The following JAKMIP3 variants were observed in gnomAD, a reference collection of about 807,000 sequenced individuals.
JAKMIP3 encodes janus kinase and microtubule-interacting protein 3.
In JAKMIP3, 58 loss-of-function variants were observed where a neutral mutation model predicts 118.5. That is an observed-to-expected ratio of 0.49 (90% CI 0.40 to 0.61). The LOEUF is 0.61. Ranked by LOEUF, JAKMIP3 falls within the 20% of genes least tolerant of loss-of-function variation. The probability of loss-of-function intolerance (pLI) is 0.00; values close to 1 mark genes in which losing one functional copy is unlikely to be tolerated. For missense variants in JAKMIP3, 950 were observed against 1,109.0 expected (o/e 0.86, Z 2.04); for synonymous variants, 486 against 451.2 (o/e 1.08, Z -0.98).
chr10:132,057,861 G>C (rs1335840135), intron 1 of JAKMIP3, among the ~76,000 whole-genome samples: 1 of 152,202 alleles, frequency 6.6e-6, no homozygotes, highest in Admixed American at 6.5e-5. Flanking sequence ...CAGTGGTTTT[G>C]GATCAGATAC....
chr10:132,135,306 C>T (rs1210834422), intron 5 of JAKMIP3, 146 bp downstream of exon 5: 6 of 830,448 alleles, frequency 7.2e-6, no homozygotes, highest in African/African-American at 1.7e-5. Context: ...GACTGTGTTC[C>T]AGTTGAACTT....
At chr10:132,180,642 T>TGTGC (rs1554963041) in intron 23 of JAKMIP3, among the ~76,000 whole-genome samples, 1 of 31,804 alleles carries the variant, frequency 3.1e-5, no homozygotes, top group South Asian at 1.1e-3. Context: ...TGCGTGCGTG[T>TGTGC]GTGCGTGTGC....
intron 1 of JAKMIP3, among the ~76,000 whole-genome samples, chr10:132,090,062 C>G (rs1333246178): frequency 6.6e-6 from 1 of 152,196 alleles, no homozygotes; most frequent in East Asian, 1.9e-4. Context: ...ATGAAGCCCA[C>G]TTGATCATGG....
Position 132,153,991 on chromosome 10 carries a change from G to C in JAKMIP3, c.2220+1G>C, listed in dbSNP as rs777730379. ...ACAGGCCTTGGACCAGGCCAACAAG[G>C]TGAGAGGCACGAGACTGCTGGAACC... On this transcript the variant is annotated splice_donor_variant, in intron 19 of 23. Transcript: ENST00000684848. LOFTEE classifies it high-confidence loss of function. 6.2e-7 allele frequency: 1 copy of C among 1,612,834 alleles called. No individual in the cohort carries two copies. Among genetic ancestry groups the C allele is most frequent in the Admixed American group, 1.7e-5 (1 of 60,024 alleles).
chr10:132,135,861 C>T (rs1273936323), intron 5 of JAKMIP3, 69 bp from the exon 6 acceptor site: 9 of 1,515,022 alleles, frequency 5.9e-6, no homozygotes, highest in African/African-American at 1.4e-5. Flanking sequence ...GTCAGTCAGC[C>T]GACTCTGCGT....
At chr10:132,181,437 T>G (rs1453008494) in intron 23 of JAKMIP3, 1 of 152,126 alleles carries the variant, frequency 6.6e-6, no homozygotes, top group East Asian at 1.9e-4. Flanking sequence ...CCGAGGGAAA[T>G]CCCTGTTTTA....
chr10:132,167,807 ACCCC>A, intron 22 of JAKMIP3, 142 bp from the exon 23 acceptor site: 1 of 404,462 alleles, frequency 2.5e-6, no homozygotes, highest in African/African-American at 2.7e-5. Context: ...TTCGGTCCTC[ACCCC>A]TCACCCCTCG....
intron 1 of JAKMIP3, among the ~76,000 whole-genome samples, chr10:132,042,487 C>T (rs920643795): frequency 2.0e-5 from 3 of 152,148 alleles, no homozygotes; most frequent in East Asian, 3.9e-4. Context: ...GGATTCCAGG[C>T]GTGAGCCACG....
intron 1 of JAKMIP3, among the ~76,000 whole-genome samples, chr10:132,078,872 C>T (rs2041299700): frequency 1.3e-5 from 2 of 152,374 alleles, no homozygotes; most frequent in South Asian, 2.1e-4. Context: ...GCTGCCAGGC[C>T]TAGGGGGCCG....
intron 23 of JAKMIP3, among the ~76,000 whole-genome samples, chr10:132,174,768 A>G (rs2059998093): frequency 6.6e-6 from 1 of 152,156 alleles, no homozygotes; most frequent in African/African-American, 2.4e-5. Context: ...ACGTCTTCAC[A>G]GGTTAGGCTG....
intron 8 of JAKMIP3, among the ~76,000 whole-genome samples, 194 bp from the exon 9 acceptor site, chr10:132,137,925 C>T (rs996348054): frequency 6.6e-6 from 1 of 152,204 alleles, no homozygotes; most frequent in Non-Finnish European, 1.5e-5. Flanking sequence ...GGGAGCCGTC[C>T]GTGTCACCCT....
At chr10:132,178,343 T>C (rs1378139992) in intron 23 of JAKMIP3, among the ~76,000 whole-genome samples, 2 of 152,104 alleles carry the variant, frequency 1.3e-5, no homozygotes, top group East Asian at 3.9e-4. Context: ...AGAGACCCCA[T>C]GAAGGGGGTA....
chr10:132,053,971 C>T (rs994853218), intron 1 of JAKMIP3, among the ~76,000 whole-genome samples: 3 of 145,390 alleles, frequency 2.1e-5, no homozygotes, highest in Admixed American at 7.2e-5. Flanking sequence ...ACCCTGGAGG[C>T]GGAGCTTGCA....
intron 3 of JAKMIP3, among the ~76,000 whole-genome samples, chr10:132,121,563 G>A (rs1233778064): frequency 6.6e-6 from 1 of 152,172 alleles, no homozygotes; most frequent in African/African-American, 2.4e-5. Context: ...GGGAGGAATC[G>A]ATCTTTGCTC....
intron 1 of JAKMIP3, among the ~76,000 whole-genome samples, chr10:132,102,889 T>TG (rs1266203914): frequency 6.6e-6 from 1 of 151,542 alleles, no homozygotes; most frequent in African/African-American, 2.4e-5. Flanking sequence ...GGGAGGGCTG[T>TG]GTTCACCAGG....
At chr10:132,048,668 T>C (rs1469236039) in intron 1 of JAKMIP3, among the ~76,000 whole-genome samples, 1 of 15,432 alleles carries the variant, frequency 6.5e-5, no homozygotes, top group Non-Finnish European at 1.1e-4. Flanking sequence ...GTTTCTTTTC[T>C]TTTTTTTTTT....
chr10:132,108,336 TCCCTCTCCCAG>T (rs1017076711), intron 2 of JAKMIP3, among the ~76,000 whole-genome samples: 1 of 146,180 alleles, frequency 6.8e-6, no homozygotes, highest in Non-Finnish European at 1.5e-5. Flanking sequence ...GCCAGCTCTC[TCCCTCTCCCAG>T]CCCTTTCATC....
chr10:132,133,852 G>A (rs1302962091), intron 4 of JAKMIP3, among the ~76,000 whole-genome samples: 1 of 152,226 alleles, frequency 6.6e-6, no homozygotes, highest in African/African-American at 2.4e-5. Flanking sequence ...CCCTGGGTTG[G>A]TGGGAGGAGG....
chr10:132,079,550 C>T (rs2041443416), intron 1 of JAKMIP3, among the ~76,000 whole-genome samples: 1 of 152,184 alleles, frequency 6.6e-6, no homozygotes, highest in South Asian at 2.1e-4. Context: ...AATCAAGATT[C>T]GTACATGGAA....
Sources: allele counts gnomAD v4.1 joint callset (sites outside exome capture counted in the v4.1 genomes callset), GRCh38; gene constraint gnomAD v4.1.1; transcripts MANE v1.5; gene names NCBI Gene and HGNC (gene_info 2026-07-23, HGNC 2026-07-21).